The following NRXN3 variants were observed in gnomAD, a reference collection of about 807,000 sequenced individuals.
The protein encoded by NRXN3 is neurexin 3, also known as neurexin III.
Under a neutral mutation model 137.6 loss-of-function variants are expected in NRXN3, and 32 were observed. The observed-to-expected ratio is 0.23, with a 90% CI of 0.18 to 0.31. The LOEUF is 0.31. Among genes scored for constraint, NRXN3 ranks in the 10% least tolerant of loss-of-function variants. The pLI is 1.00. For synonymous variants in NRXN3, 798 were observed against 784.5 expected, an observed-to-expected ratio of 1.02 and a Z score of -0.29; for missense variants, 1,574 against 2,062.5, an observed-to-expected ratio of 0.76 and a Z score of 4.59.
intron 15 of NRXN3, among the ~76,000 whole-genome samples, chr14:79,332,057 C>A (rs2091758615): frequency 6.6e-6 from 1 of 152,166 alleles, no homozygotes; most frequent in Non-Finnish European, 1.5e-5. Context: ...TAGCTCTCAG[C>A]ATGGTTGCCT....
intron 10 of NRXN3, among the ~76,000 whole-genome samples, chr14:78,927,973 C>T (rs181343355): frequency 1.3e-5 from 2 of 152,178 alleles, no homozygotes; most frequent in African/African-American, 4.8e-5. Context: ...ATGCTCAAGA[C>T]ATGAGGGCTA....
At chr14:79,330,005 T>A (rs2091450043) in intron 15 of NRXN3, among the ~76,000 whole-genome samples, 1 of 152,046 alleles carries the variant, frequency 6.6e-6, no homozygotes, top group African/African-American at 2.4e-5. Context: ...CTAATTTTTG[T>A]ATTTTTAGTA....
At position 79,685,959 on chromosome 14, in the gene NRXN3, T is replaced by G. The variant is rs74063915; in HGVS notation, c.3617-6214T>G. Among the ~76,000 whole-genome samples, 707 of 152,270 alleles carry G rather than the reference T, an allele frequency of 4.6e-3. 7 individuals carry two copies. Among genetic ancestry groups the G allele is most frequent in the African/African-American group, 0.016 (685 of 41,554 alleles). On this transcript the variant is annotated intron_variant, in intron 17 of 20. Transcript: ENST00000335750. ...GGACGTAATACACCAGGGTTACATC[T>G]CCGGCATGGTTCCATTCCCATTCCA... is the stretch of plus-strand genomic sequence containing the variant.
At position 78,541,547 on chromosome 14, in the gene NRXN3, G is replaced by A. The variant is rs187259128; in HGVS notation, c.758-103573G>A. On this transcript the variant is annotated intron_variant, in intron 4 of 20. Transcript: ENST00000335750. ...TTTTCAAGGTTCTTAGCTTCCTTGCGATGGGTTCTAACATCCTCCTTTAGC... is the reference window on the plus strand; with the variant it reads ...TTTTCAAGGTTCTTAGCTTCCTTGCAATGGGTTCTAACATCCTCCTTTAGC... 1.1e-4 allele frequency among the ~76,000 whole-genome samples: 16 copies of A among 152,220 alleles called. No individual in the cohort carries two copies. In the East Asian group the frequency reaches 2.5e-3, roughly 24 times the overall value.
At chr14:79,402,480 A>G (rs1195489131) in intron 15 of NRXN3, among the ~76,000 whole-genome samples, 1 of 152,226 alleles carries the variant, frequency 6.6e-6, no homozygotes, top group East Asian at 1.9e-4. Context: ...ATGAGACTGT[A>G]TTGACTTTGA....
intron 4 of NRXN3, among the ~76,000 whole-genome samples, chr14:78,513,574 G>A (rs1442001211): frequency 6.6e-6 from 1 of 152,078 alleles, no homozygotes; most frequent in Non-Finnish European, 1.5e-5. Context: ...GTCTATTTTG[G>A]CAGATAAAAA....
intron 2 of NRXN3, among the ~76,000 whole-genome samples, chr14:78,246,733 T>C (rs1016484907): frequency 5.3e-5 from 8 of 152,044 alleles, no homozygotes; most frequent in Non-Finnish European, 1.2e-4. Flanking sequence ...ACCTGTAAAA[T>C]GTGAAGGGAA....
chr14:79,601,538 T>C (rs1313267277), intron 16 of NRXN3, among the ~76,000 whole-genome samples: 1 of 152,172 alleles, frequency 6.6e-6, no homozygotes. Context: ...GGTACTACGT[T>C]CCTTTATCTC....
intron 11 of NRXN3, among the ~76,000 whole-genome samples, chr14:78,963,845 A>G (rs31419): frequency 0.27 from 40,851 of 152,048 alleles, 10,019 homozygotes; most frequent in African/African-American, 0.64. Context: ...GCTGGAGTGC[A>G]GCCTCAAACT....
chr14:78,362,650 T>C (rs947548248), intron 4 of NRXN3, among the ~76,000 whole-genome samples: 3 of 152,198 alleles, frequency 2.0e-5, no homozygotes, highest in Non-Finnish European at 4.4e-5. Context: ...TTTGGTGCTC[T>C]TATAAAAAAT....
intron 10 of NRXN3, among the ~76,000 whole-genome samples, chr14:78,850,500 A>T (rs2099039654): frequency 6.6e-6 from 1 of 152,194 alleles, no homozygotes; most frequent in South Asian, 2.1e-4. Flanking sequence ...GTAGAAAGGT[A>T]TCTACACGTA....
chr14:79,613,372 T>C (rs1003492261), intron 16 of NRXN3, among the ~76,000 whole-genome samples: 2 of 152,234 alleles, frequency 1.3e-5, no homozygotes, highest in African/African-American at 4.8e-5. Context: ...TGCTCAGATC[T>C]CAATCAATGG....
rs1447018304 is a variant in NRXN3, at chr14:78,651,240, G to A, written c.1135G>A (p.Asp379Asn). ...GGACTATACCATGCTGGGCTCGGACGACTTCTTCTATGTAGGAGGAAGCCC... is the reference window on the plus strand; with the variant it reads ...GGACTATACCATGCTGGGCTCGGACAACTTCTTCTATGTAGGAGGAAGCCC... ...QEDYTMLGSDDFFYVGGSPST... is the reference protein window; with the variant it reads ...QEDYTMLGSDNFFYVGGSPST... Residue 379 changes from aspartate (D) to asparagine (N), a missense_variant, in exon 6 of 21, where the codon GAC (aspartate) becomes AAC (asparagine). Physicochemically the swap from Asp to Asn is conservative, Grantham distance 23. This residue lies in a region of NRXN3 where 400 missense variants were observed against 527.3 expected (regional missense o/e 0.76). Transcript: ENST00000335750. 5.6e-6 allele frequency: 9 copies of A among 1,613,886 alleles called. No homozygotes were observed. The highest frequency in any genetic ancestry group is 2.7e-5 in the African/African-American group (2 of 74,876).
At chr14:78,894,926 A>C (rs984272114) in intron 10 of NRXN3, among the ~76,000 whole-genome samples, 1 of 151,578 alleles carries the variant, frequency 6.6e-6, no homozygotes, top group Non-Finnish European at 1.5e-5. Flanking sequence ...AGTAGTTCTC[A>C]ATAGTAGGCT....
intron 4 of NRXN3, among the ~76,000 whole-genome samples, chr14:78,401,495 AG>A (rs2153654876): frequency 6.6e-6 from 1 of 152,078 alleles, no homozygotes; most frequent in East Asian, 2.0e-4. Flanking sequence ...CATCACAATG[AG>A]GATTAGATTT....
At chr14:78,224,610 A>G (rs1379687176) in intron 1 of NRXN3, among the ~76,000 whole-genome samples, 2 of 152,020 alleles carry the variant, frequency 1.3e-5, no homozygotes, top group African/African-American at 4.8e-5. Flanking sequence ...TGAACTCATC[A>G]TTTTTTATGG....
At chr14:78,643,881 G>A (rs1345372445) in intron 4 of NRXN3, among the ~76,000 whole-genome samples, 1 of 152,152 alleles carries the variant, frequency 6.6e-6, no homozygotes, top group Non-Finnish European at 1.5e-5. Flanking sequence ...AGTGGCTCAC[G>A]CCTGTAATCC....
chr14:79,504,561 A>G (rs1462599628), intron 16 of NRXN3, among the ~76,000 whole-genome samples: 2 of 149,308 alleles, frequency 1.3e-5, no homozygotes, highest in Non-Finnish European at 3.0e-5. Context: ...GTAATATTTT[A>G]GCCCTGATTT....
chr14:78,866,866 C>T (rs1415210916), intron 10 of NRXN3, among the ~76,000 whole-genome samples: 7 of 141,952 alleles, frequency 4.9e-5, no homozygotes, highest in African/African-American at 1.9e-4. Context: ...GGCACGGTCT[C>T]GGCTCGTTGT....
Sources: gnomAD v4.1 joint callset for allele counts (sites outside exome capture counted in the v4.1 genomes callset) on GRCh38, gnomAD v4.1.1 for gene constraint, gnomAD v4.1.1 regional missense constraint, MANE v1.5 for transcripts, NCBI Gene and HGNC (gene_info 2026-07-23, HGNC 2026-07-21) for gene names.